AXIN1: variants seen among roughly 807,000 people sequenced by gnomAD.
AXIN1 encodes the protein axin 1.
A neutral mutation model predicts 76.4 loss-of-function variants in AXIN1; 30 were observed. The ratio of observed to expected loss-of-function variants is 0.39; its 90% CI spans 0.29 to 0.53. The LOEUF (loss-of-function observed/expected upper bound fraction) is 0.53. AXIN1 is among the 20% of genes least tolerant of loss of function. The pLI is 0.66. For missense variants in AXIN1, 1,140 were observed against 1,198.8 expected (o/e 0.95, Z 0.72); for synonymous variants, 545 against 501.4 (o/e 1.09, Z -1.16).
At chr16:336,935 G>A (rs1240711393) in intron 2 of AXIN1, among the ~76,000 whole-genome samples, 13 of 151,448 alleles carry the variant, frequency 8.6e-5, no homozygotes, top group South Asian at 4.2e-4. Context: ...GGATCACAAC[G>A]TCAGGAGATG....
chr16:342,504 T>C (rs1213067770), intron 2 of AXIN1, among the ~76,000 whole-genome samples: 1 of 152,168 alleles, frequency 6.6e-6, no homozygotes, highest in Non-Finnish European at 1.5e-5. Context: ...GTACCCACTC[T>C]CCTTTTCCCT....
At chr16:334,980 A>G (rs937540432) in intron 2 of AXIN1, among the ~76,000 whole-genome samples, 2 of 152,186 alleles carry the variant, frequency 1.3e-5, no homozygotes, top group African/African-American at 2.4e-5. Flanking sequence ...TGCTTCTTTT[A>G]AAAGGAGTTT....
chr16:330,066 C>CT (rs34633391), intron 2 of AXIN1, among the ~76,000 whole-genome samples: 55,827 of 143,870 alleles, frequency 0.39, 11,139 homozygotes, highest in African/African-American at 0.49. Flanking sequence ...GTGCCCGGCC[C>CT]TTTTTTTTTT....
chr16:297,927 C>A lies in AXIN1; in HGVS notation c.1579G>T (p.Ala527Ser), dbSNP rs1433897082. The A allele has an allele frequency of 6.3e-7, 1 of 1,599,258 alleles. No homozygotes were observed. The highest frequency in any genetic ancestry group is 8.5e-7 in the Non-Finnish European group (1 of 1,172,636). Residue 527 changes from alanine (A) to serine (S), a missense_variant, in exon 6 of 11, where the codon GCC (alanine) becomes TCC (serine). Coordinates refer to ENST00000262320, the MANE Select transcript of AXIN1 (RefSeq NM_003502.4). ...VPKSGAKLDAAGLHHHRHVHH... is the reference protein window; with the variant it reads ...VPKSGAKLDASGLHHHRHVHH... ...ACGTGTCGGTGGTGGTGCAGGCCGG[C>A]CGCGTCCAGCTTCGCCCCTGACTTG...
Position 289,597 on chromosome 16 carries a change from G to A in AXIN1, c.2305C>T (p.Gln769Ter), listed in dbSNP as rs2141469118. ...MELSETETRS[Q>*]RKVGGGSAQP... ...GCACTCCCGCCGCCCACCTTCCTCT[G>A]CGATCTTGTCCTGGGGAAAGAGATG... Residue 769 changes from glutamine to a stop codon, truncating the protein, a stop_gained, in exon 10 of 11, where the codon CAG becomes TAG. Transcript: ENST00000262320. LOFTEE classifies it high-confidence loss of function. 6.2e-7 allele frequency: 1 copy of A among 1,612,768 alleles called. No homozygotes were observed. Among genetic ancestry groups the A allele is most frequent in the Non-Finnish European group, 8.5e-7 (1 of 1,179,900 alleles).
chr16:291,178 G>A lies in AXIN1; in HGVS notation c.2294+12C>T. The A allele has an allele frequency of 6.4e-7, 1 of 1,569,876 alleles. No individual in the cohort carries two copies. Among genetic ancestry groups the A allele is most frequent in the East Asian group, 2.3e-5 (1 of 43,170 alleles). On this transcript the variant is annotated intron_variant, in intron 9 of 10. Coordinates refer to ENST00000262320, the MANE Select transcript of AXIN1 (RefSeq NM_003502.4). ...GTGGGCAGGACCGGGAGGACCCTCA[G>A]GACGCACGTACTCTGTCTCGGAGAG...
At chr16:289,782 T>TC in intron 9 of AXIN1, 175 bp from the exon 10 acceptor site, 1 of 783,404 alleles carries the variant, frequency 1.3e-6, no homozygotes. Flanking sequence ...TGGGATCTAG[T>TC]CCGCTAGCAG....
At chr16:338,158 A>C (rs913524711) in intron 2 of AXIN1, among the ~76,000 whole-genome samples, 1 of 152,228 alleles carries the variant, frequency 6.6e-6, no homozygotes, top group African/African-American at 2.4e-5. Context: ...GTACGCTGCT[A>C]CAAATGACGT....
rs2141546927 is a variant in AXIN1, at chr16:304,416, A to C, written c.1142T>G (p.Val381Gly). Residue 381 changes from valine to glycine, a missense_variant, in exon 5 of 11, where the codon GTC becomes GGC. This residue lies in a region of AXIN1 where 708 missense variants were observed against 776.9 expected (regional missense o/e 0.91). Transcript: ENST00000262320. The stretch of plus-strand genomic sequence containing the variant: ...CGCGAACTTCTGAGGCTCCACGCGG[A>C]CCTCCTTCGGCACCCGGTACGTGCG... ...IPRTYRVPKE[V>G]RVEPQKFAEE... is the part of the protein sequence containing the mutation. The C allele has an allele frequency of 6.2e-7, 1 of 1,612,576 alleles. No homozygotes were observed. The highest frequency in any genetic ancestry group is 2.2e-5 in the East Asian group (1 of 44,874).
chr16:328,705 T>A (rs898250464), intron 2 of AXIN1, among the ~76,000 whole-genome samples: 8 of 151,802 alleles, frequency 5.3e-5, no homozygotes, highest in South Asian at 4.2e-4. Flanking sequence ...TCAAAAAAAA[T>A]AATAATAAAT....
chr16:344,007 CAA>C (rs35154860), intron 2 of AXIN1, among the ~76,000 whole-genome samples: 12 of 129,756 alleles, frequency 9.2e-5, no homozygotes, highest in Non-Finnish European at 9.9e-5. Flanking sequence ...GACTCCATTT[CAA>C]AAAAAAAAAA....
At chr16:305,100 G>A (rs367710656) in intron 4 of AXIN1, among the ~76,000 whole-genome samples, 26 of 152,344 alleles carry the variant, frequency 1.7e-4, no homozygotes, top group African/African-American at 6.0e-4. Flanking sequence ...GAAGGCCCCC[G>A]AGGCCCCACG....
intron 2 of AXIN1, among the ~76,000 whole-genome samples, chr16:325,764 G>A (rs1456439094): frequency 2.6e-5 from 4 of 152,230 alleles, no homozygotes; most frequent in African/African-American, 7.2e-5. Flanking sequence ...CTTGCTCTGT[G>A]TTAGCTCCAT....
intron 2 of AXIN1, among the ~76,000 whole-genome samples, chr16:317,288 G>A (rs904766343): frequency 8.5e-5 from 13 of 152,166 alleles, no homozygotes; most frequent in African/African-American, 1.7e-4. Flanking sequence ...CTCGCTGCAC[G>A]GGGCCATTTC....
At position 295,162 on chromosome 16, in the gene AXIN1, G is replaced by A. The variant is rs187594242; in HGVS notation, c.1956-1444C>T. Among the ~76,000 whole-genome samples the A allele has an allele frequency of 2.8e-3, 422 of 148,930 alleles. 2 individuals carry two copies. Among genetic ancestry groups the A allele is most frequent in the African/African-American group, 9.4e-3 (381 of 40,452 alleles). On this transcript the variant is annotated intron_variant, in intron 7 of 10. Transcript: ENST00000262320. Reference sequence around the variant, plus strand: ...TGCCCAGGCTGCAGTGCAATGGCTCGACCTCGGATCTCGGCTCACTGCAAT... The same window carrying A: ...TGCCCAGGCTGCAGTGCAATGGCTCAACCTCGGATCTCGGCTCACTGCAAT...
intron 2 of AXIN1, among the ~76,000 whole-genome samples, chr16:320,825 C>T (rs562983189): frequency 3.9e-4 from 58 of 149,920 alleles, no homozygotes; most frequent in Middle Eastern, 3.4e-3. Flanking sequence ...CTACAACCTC[C>T]GCCTCCTGGG....
At chr16:299,101 C>T (rs2052798344) in intron 5 of AXIN1, 10 of 985,270 alleles carry the variant, frequency 1.0e-5, no homozygotes, top group South Asian at 4.7e-5. Flanking sequence ...TTGTACAGAA[C>T]GGCTCTTGGG....
intron 2 of AXIN1, among the ~76,000 whole-genome samples, chr16:321,970 T>C (rs1418820287): frequency 6.6e-6 from 1 of 152,170 alleles, no homozygotes; most frequent in East Asian, 1.9e-4. Flanking sequence ...GAGGCTGGAA[T>C]TAGTAAAATG....
intron 5 of AXIN1, among the ~76,000 whole-genome samples, chr16:302,389 A>G (rs2052896742): frequency 6.6e-6 from 1 of 152,216 alleles, no homozygotes; most frequent in Admixed American, 6.5e-5. Context: ...GCAGCTCCAC[A>G]TGGTGGCAAA....
Sources: gnomAD v4.1 joint callset for allele counts (sites outside exome capture counted in the v4.1 genomes callset) on GRCh38, gnomAD v4.1.1 for gene constraint, gnomAD v4.1.1 regional missense constraint, MANE v1.5 for transcripts, NCBI Gene and HGNC (gene_info 2026-07-23, HGNC 2026-07-21) for gene names.